STAT5B: variants seen among roughly 807,000 people sequenced by gnomAD.
The protein encoded by STAT5B is transcription factor STAT5B.
In STAT5B, 21 loss-of-function variants were observed where a neutral mutation model predicts 107.8. The ratio of observed to expected loss-of-function variants is 0.19; its 90% confidence interval spans 0.14 to 0.28. The LOEUF (loss-of-function observed/expected upper bound fraction) is 0.28. Among genes scored for constraint, STAT5B ranks in the 10% least tolerant of loss-of-function variants. The pLI, the probability that STAT5B is intolerant of heterozygous loss-of-function variation, is 1.00. For synonymous variants in STAT5B, 325 were observed against 401.7 expected (o/e 0.81, Z 2.28); for missense variants, 565 against 1,008.2 (o/e 0.56, Z 5.95).
At chr17:42,251,348 A>C (rs1298464053) in intron 1 of STAT5B, among the ~76,000 whole-genome samples, 2 of 152,208 alleles carry the variant, frequency 1.3e-5, no homozygotes, top group Non-Finnish European at 2.9e-5. Flanking sequence ...TTCCTATAAG[A>C]AGCTGAGTTG....
At chr17:42,223,893 G>A (rs553116831) in intron 4 of STAT5B, among the ~76,000 whole-genome samples, 7 of 152,156 alleles carry the variant, frequency 4.6e-5, no homozygotes, top group African/African-American at 9.7e-5. Context: ...TCCTACTAAT[G>A]AGGAGGTGGA....
At chr17:42,262,916 ATG>A (rs1279234652) in intron 1 of STAT5B, among the ~76,000 whole-genome samples, 8 of 114,426 alleles carry the variant, frequency 7.0e-5, no homozygotes, top group South Asian at 2.8e-4. Context: ...GTGTATATAT[ATG>A]TGTGTATATA....
At chr17:42,210,543 T>C in intron 13 of STAT5B, 46 bp from the exon 14 acceptor site, 2 of 1,496,218 alleles carry the variant, frequency 1.3e-6, no homozygotes, top group Middle Eastern at 1.7e-4. Context: ...AGAGTAACAC[T>C]TGGAATATTA....
At chr17:42,203,690 G>A (rs545070976) in intron 16 of STAT5B, among the ~76,000 whole-genome samples, 1 of 151,918 alleles carries the variant, frequency 6.6e-6, no homozygotes, top group South Asian at 2.1e-4. Flanking sequence ...GCAGTGGTGC[G>A]ATCTCAGCTC....
Position 42,207,526 on chromosome 17 carries a change from A to AC in STAT5B, c.2077+31dup, listed in dbSNP as rs1555547823. ...ACACACACACACACACACACACACA[A>AC]CAAAATCAAATCAGAATGCGAACAT... On this transcript the variant is annotated intron_variant, in intron 16 of 18. Coordinates refer to ENST00000293328, the MANE Select transcript of STAT5B (RefSeq NM_012448.4). 9.1e-5 allele frequency: 146 copies of AC among 1,596,570 alleles called. No individual in the cohort carries two copies. In the African/African-American group the frequency reaches 1.8e-3, roughly 19 times the overall value.
intron 2 of STAT5B, 121 bp downstream of exon 2, chr17:42,231,879 G>T: frequency 6.9e-7 from 1 of 1,456,856 alleles, no homozygotes; most frequent in South Asian, 1.2e-5. Context: ...CCTTTTTATG[G>T]ATCACATTTA....
intron 1 of STAT5B, among the ~76,000 whole-genome samples, chr17:42,242,462 G>A (rs1313134027): frequency 6.6e-6 from 1 of 152,136 alleles, no homozygotes; most frequent in Admixed American, 6.6e-5. Context: ...CCTTAACCGA[G>A]TGATCAAACA....
intron 1 of STAT5B, among the ~76,000 whole-genome samples, chr17:42,251,042 C>T (rs1248402378): frequency 6.6e-6 from 1 of 151,036 alleles, no homozygotes; most frequent in Admixed American, 6.6e-5. Flanking sequence ...ATGCAATTCA[C>T]AAATGAATAC....
chr17:42,217,813 T>A (rs1039013087), intron 9 of STAT5B: 1 of 438,814 alleles, frequency 2.3e-6, no homozygotes, highest in Non-Finnish European at 4.2e-6. Flanking sequence ...CAAGGGATTC[T>A]CCTGCCTCAG....
chr17:42,238,946 A>T (rs2080379630), intron 1 of STAT5B, among the ~76,000 whole-genome samples: 1 of 146,496 alleles, frequency 6.8e-6, no homozygotes, highest in Admixed American at 6.8e-5. Context: ...CTAAACTCTT[A>T]AAAAAAAAAG....
intron 11 of STAT5B, among the ~76,000 whole-genome samples, chr17:42,216,692 CT>C (rs1189393108): frequency 3.1e-3 from 428 of 138,466 alleles, no homozygotes; most frequent in Middle Eastern, 3.7e-3. Flanking sequence ...TTGTTCATGT[CT>C]TTTTTTTTTT....
At position 42,218,794 on chromosome 17, in the gene STAT5B, G is replaced by A. The variant is rs142321005; in HGVS notation, c.918C>T (p.Pro306=). The A allele has an allele frequency of 2.7e-5, 43 of 1,612,864 alleles. No homozygotes were observed. In the African/African-American group the frequency reaches 3.7e-4, roughly 14 times the overall value. The change falls in exon 8 of 19, where the codon CCC becomes CCT. Residue 306 remains proline (P), a synonymous_variant. Transcript: ENST00000293328. The stretch of plus-strand genomic sequence containing the variant: ...CGGCCAGCATCTCCTCCACTGGGCC[G>A]GGGATGGGCAGCTGCTGGCAGAGGT... The part of the protein sequence containing the change: ...AEHLCQQLPI[P]GPVEEMLAEV...
chr17:42,262,746 ATATATATGTGTG>A (rs2080610797), intron 1 of STAT5B, among the ~76,000 whole-genome samples: 1 of 125,014 alleles, frequency 8.0e-6, no homozygotes, highest in African/African-American at 2.9e-5. Context: ...CAGAGTGTGT[ATATATATGTGTG>A]TATATATATA....
At chr17:42,232,196 C>A in intron 1 of STAT5B, 59 bp from the exon 2 acceptor site, 1 of 1,576,178 alleles carries the variant, frequency 6.3e-7, no homozygotes, top group Non-Finnish European at 8.6e-7. Flanking sequence ...CTTACATCCA[C>A]CAGAGTAAAT....
chr17:42,278,885 A>G (rs2080783581), upstream of STAT5B, among the ~76,000 whole-genome samples: 1 of 151,946 alleles, frequency 6.6e-6, no homozygotes, highest in Non-Finnish European at 1.5e-5. Context: ...AGGCTGAGGC[A>G]GGAGAATTGC....
chr17:42,217,633 C>A, intron 9 of STAT5B, 169 bp from the exon 10 acceptor site: 1 of 705,886 alleles, frequency 1.4e-6, no homozygotes, highest in Non-Finnish European at 2.5e-6. Flanking sequence ...TCGGACGTAT[C>A]TCTACAAAAT....
At chr17:42,268,320 G>A (rs1425917606) in intron 1 of STAT5B, among the ~76,000 whole-genome samples, 1 of 152,080 alleles carries the variant, frequency 6.6e-6, no homozygotes, top group African/African-American at 2.4e-5. Context: ...ACTCAATACA[G>A]TATACATGTT....
chr17:42,222,149 C>CTGTGTGTGTGA (rs1381597431), intron 5 of STAT5B, among the ~76,000 whole-genome samples: 2 of 112,780 alleles, frequency 1.8e-5, no homozygotes, highest in East Asian at 2.6e-4. Flanking sequence ...TGTGTGTGTG[C>CTGTGTGTGTGA]TGTGTGTGTG....
intron 1 of STAT5B, among the ~76,000 whole-genome samples, chr17:42,264,558 T>C (rs910724242): frequency 1.3e-4 from 20 of 152,168 alleles, no homozygotes; most frequent in South Asian, 4.2e-4. Flanking sequence ...TATGGCTGCA[T>C]AGTATTCCAT....
Sources: allele counts gnomAD v4.1 joint callset (sites outside exome capture counted in the v4.1 genomes callset), GRCh38; gene constraint gnomAD v4.1.1; transcripts MANE v1.5; gene names NCBI Gene and HGNC (gene_info 2026-07-23, HGNC 2026-07-21).